Variants in ABCB11 observed in about 807,000 individuals in gnomAD.
ABCB11 encodes the protein ATP binding cassette subfamily B member 11, also known as bile salt export pump.
ABCB11 carries 95 observed loss-of-function variants against 148.0 expected under a neutral mutation model. The observed-to-expected ratio is 0.64, with a 90% CI of 0.54 to 0.76. ABCB11 has a LOEUF of 0.76. ABCB11 is among the 30% of genes least tolerant of loss of function. The pLI is 0.00. For synonymous variants in ABCB11, 591 were observed against 555.4 expected (o/e 1.06, Z -0.90); for missense variants, 1,523 against 1,617.8 (o/e 0.94, Z 1.01).
chr2:168,958,065 T>G lies in ABCB11; in HGVS notation c.2242A>C (p.Ser748Arg). The G allele has an allele frequency of 6.2e-7, 1 of 1,611,446 alleles. No homozygotes were observed. Among genetic ancestry groups the G allele is most frequent in the Non-Finnish European group, 8.5e-7 (1 of 1,178,326 alleles). Residue 748 changes from serine to arginine, a missense_variant, in exon 19 of 28, where the codon AGT (serine) becomes CGT (arginine). Physicochemically the swap from Ser to Arg is moderately radical, Grantham distance 110. Transcript: ENST00000650372. ...AGCATGTAGGGCCATTCTGGAGCAC[T>G]GAATTTCAGAATCCTCCTAACTGGG... The part of the protein sequence containing the change: ...PAPVRRILKF[S>R]APEWPYMLVG...
At chr2:168,975,030 G>T in intron 12 of ABCB11, among the ~76,000 whole-genome samples, 1 of 143,624 alleles carries the variant, frequency 7.0e-6, no homozygotes, top group African/African-American at 2.5e-5. Context: ...CCTACATACT[G>T]ATAATGTAGG....
chr2:169,030,729 A>G (rs1042164083), intron 1 of ABCB11, among the ~76,000 whole-genome samples: 4 of 151,810 alleles, frequency 2.6e-5, no homozygotes, highest in Non-Finnish European at 4.4e-5. Flanking sequence ...TTTTGCATCT[A>G]TATTTTTGAA....
At chr2:169,030,437 C>A (rs1054861643) in intron 1 of ABCB11, among the ~76,000 whole-genome samples, 7 of 152,174 alleles carry the variant, frequency 4.6e-5, no homozygotes, top group African/African-American at 1.4e-4. Context: ...AATAAGTTAT[C>A]ACTTCAAATG....
At chr2:169,003,421 A>C (rs559448561) in intron 5 of ABCB11, among the ~76,000 whole-genome samples, 20 of 149,962 alleles carry the variant, frequency 1.3e-4, no homozygotes, top group Non-Finnish European at 2.5e-4. Flanking sequence ...TGTAATATAT[A>C]TTACATATAT....
In ABCB11 at chr2:168,923,381, C is replaced by G; in HGVS notation, c.*241G>C. On this transcript the variant is annotated 3_prime_UTR_variant, in exon 28 of 28. Coordinates refer to ENST00000650372, the MANE Select transcript of ABCB11 (RefSeq NM_003742.4). ...AGCTGCCACTTGACATTGGGTTTTCCCTCATATGGACCCTAGTTTCTTTCA... is the reference window on the plus strand; with the variant it reads ...AGCTGCCACTTGACATTGGGTTTTCGCTCATATGGACCCTAGTTTCTTTCA... 1.8e-6 allele frequency: 1 copy of G among 556,518 alleles called. No homozygotes were observed. Among genetic ancestry groups the G allele is most frequent in the Non-Finnish European group, 3.2e-6 (1 of 314,974 alleles). The allele number at this position is 556,518 out of a possible 1,614,324, so 34.5% of individuals were successfully genotyped here.
chr2:168,973,217 G>A (rs958966258), intron 13 of ABCB11, among the ~76,000 whole-genome samples: 3 of 152,120 alleles, frequency 2.0e-5, no homozygotes, highest in Middle Eastern at 3.4e-3. Context: ...ATAGCTAAGC[G>A]ACGGGGATAC....
chr2:169,015,860 C>CA (rs1320025618), intron 3 of ABCB11, among the ~76,000 whole-genome samples: 1 of 152,192 alleles, frequency 6.6e-6, no homozygotes, highest in Non-Finnish European at 1.5e-5. Flanking sequence ...TCTATACCCG[C>CA]AGCACCTACA....
chr2:168,919,151 G>A (rs1691004656), downstream of ABCB11, among the ~76,000 whole-genome samples: 2 of 147,738 alleles, frequency 1.4e-5, no homozygotes, highest in South Asian at 4.6e-4. Context: ...ATATTTTCTT[G>A]TTCCTTTCAT....
intron 21 of ABCB11, among the ~76,000 whole-genome samples, chr2:168,943,810 C>T (rs370916857): frequency 2.0e-5 from 3 of 151,978 alleles, no homozygotes; most frequent in African/African-American, 7.2e-5. Context: ...TTCTAAGAGC[C>T]TCACAGACCA....
chr2:169,014,190 T>C (rs1019773596), intron 4 of ABCB11, 113 bp downstream of exon 4: 1 of 1,007,450 alleles, frequency 9.9e-7, no homozygotes, highest in Middle Eastern at 2.1e-4. Context: ...ACTGAAAAAG[T>C]GATCACTGAA....
intron 1 of ABCB11, among the ~76,000 whole-genome samples, chr2:169,027,245 GA>G (rs1273812119): frequency 2.6e-5 from 4 of 152,132 alleles, no homozygotes; most frequent in Non-Finnish European, 5.9e-5. Context: ...GGGAATCTAA[GA>G]GTAAAAAGCA....
At chr2:168,932,629 AGGAAAGG>A in intron 23 of ABCB11, 96 bp from the exon 24 acceptor site, 1 of 1,434,160 alleles carries the variant, frequency 7.0e-7, no homozygotes, top group Non-Finnish European at 9.5e-7. Flanking sequence ...TGGTTCTGCC[AGGAAAGG>A]ACCAAATATC....
chr2:168,972,070 C>T lies in ABCB11; in HGVS notation c.1435-20G>A, dbSNP rs368915608. 3.7e-6 allele frequency: 6 copies of T among 1,606,546 alleles called. No homozygotes were observed. The highest frequency in any genetic ancestry group is 5.1e-6 in the Non-Finnish European group (6 of 1,174,534). On this transcript the variant is annotated intron_variant, in intron 13 of 27. Coordinates refer to ENST00000650372, the MANE Select transcript of ABCB11 (RefSeq NM_003742.4). ...GGTCACCTAGAGAGCATGGGCACAA[C>T]ATCACAACTTTTGGAATCTTTCAGG...
chr2:168,964,581 C>T (rs74989811), intron 17 of ABCB11, among the ~76,000 whole-genome samples: 2,491 of 150,820 alleles, frequency 0.017, 34 homozygotes, highest in Non-Finnish European at 0.026. Flanking sequence ...GGGAGCAAAG[C>T]TGTCCTACCA....
downstream of ABCB11, among the ~76,000 whole-genome samples, chr2:168,918,719 T>C (rs1161902520): frequency 1.3e-5 from 2 of 152,222 alleles, no homozygotes; most frequent in African/African-American, 2.4e-5. Context: ...TTTTTCCAAA[T>C]GATTGTGAAC....
downstream of ABCB11, among the ~76,000 whole-genome samples, chr2:168,918,820 G>C (rs549607630): frequency 1.3e-5 from 2 of 152,136 alleles, no homozygotes; most frequent in African/African-American, 4.8e-5. Context: ...TCTATTTCTG[G>C]ACTCCCTTCT....
At chr2:168,935,150 T>C (rs1257386273) in intron 23 of ABCB11, 34 bp downstream of exon 23, 1 of 1,611,202 alleles carries the variant, frequency 6.2e-7, no homozygotes, top group South Asian at 1.1e-5. Context: ...CCTTGTGTGT[T>C]GATCTTTTCT....
downstream of ABCB11, among the ~76,000 whole-genome samples, chr2:168,917,743 T>C (rs1311283892): frequency 1.3e-5 from 2 of 152,230 alleles, no homozygotes; most frequent in African/African-American, 4.8e-5. Flanking sequence ...CTCATGTTTT[T>C]ATAAGACTAG....
At chr2:168,947,316 C>T (rs61045515) in intron 19 of ABCB11, among the ~76,000 whole-genome samples, 2,162 of 150,736 alleles carry the variant, frequency 0.014, 56 homozygotes, top group African/African-American at 0.049. Flanking sequence ...TAGAGACCTA[C>T]TACAAATCCA....
Sources: gnomAD v4.1 joint callset for allele counts (sites outside exome capture counted in the v4.1 genomes callset) on GRCh38, gnomAD v4.1.1 for gene constraint, MANE v1.5 for transcripts, NCBI Gene and HGNC (gene_info 2026-07-23, HGNC 2026-07-21) for gene names.